The following HDAC9 variants were observed in gnomAD, a reference collection of about 807,000 sequenced individuals.
HDAC9 encodes MEF-2 interacting transcription repressor (MITR) protein.
HDAC9 carries 41 observed loss-of-function variants against 139.4 expected under a neutral mutation model. The observed-to-expected ratio is 0.29, with a 90% confidence interval of 0.23 to 0.38. The LOEUF (loss-of-function observed/expected upper bound fraction) is 0.38. Ranked by LOEUF, HDAC9 falls within the 10% of genes least tolerant of loss-of-function variation. HDAC9 has a pLI of 1.00. For synonymous variants in HDAC9, 517 were observed against 476.2 expected, an observed-to-expected ratio of 1.09 and a Z score of -1.12; for missense variants, 1,147 against 1,297.0, an observed-to-expected ratio of 0.88 and a Z score of 1.78.
At chr7:18,518,922 G>A (rs1319757700) in intron 2 of HDAC9, among the ~76,000 whole-genome samples, 3 of 152,168 alleles carry the variant, frequency 2.0e-5, no homozygotes, top group Non-Finnish European at 4.4e-5. Context: ...AATCAAACGT[G>A]TATGAAGCTG....
intron 17 of HDAC9, among the ~76,000 whole-genome samples, chr7:18,814,325 A>G (rs926011514): frequency 6.6e-6 from 1 of 152,238 alleles, no homozygotes; most frequent in African/African-American, 2.4e-5. Flanking sequence ...AAAATATAGA[A>G]CAAATAAATA....
chr7:18,428,063 C>G (rs1267619703), intron 1 of HDAC9, among the ~76,000 whole-genome samples: 1 of 152,112 alleles, frequency 6.6e-6, no homozygotes, highest in Non-Finnish European at 1.5e-5. Context: ...TATGGCAGGA[C>G]TTCCATTTTT....
intron 1 of HDAC9, among the ~76,000 whole-genome samples, chr7:18,392,477 A>AAAC (rs1786623858): frequency 6.6e-6 from 1 of 152,024 alleles, no homozygotes; most frequent in African/African-American, 2.4e-5. Flanking sequence ...ATGATGTTAA[A>AAAC]ATCCGTTACT....
intron 2 of HDAC9, among the ~76,000 whole-genome samples, chr7:18,507,395 A>G (rs1054014938): frequency 1.9e-4 from 29 of 151,544 alleles, no homozygotes; most frequent in Admixed American, 3.9e-4. Flanking sequence ...GGGTTTCACC[A>G]TGTTAGACAG....
intron 2 of HDAC9, among the ~76,000 whole-genome samples, chr7:18,278,696 A>G (rs1796905848): frequency 6.6e-6 from 1 of 152,276 alleles, no homozygotes; most frequent in South Asian, 2.1e-4. Flanking sequence ...TTTGTTTTAA[A>G]TTGACTAAAA....
intron 12 of HDAC9, among the ~76,000 whole-genome samples, chr7:18,683,494 C>T (rs1388974002): frequency 6.6e-6 from 1 of 151,944 alleles, no homozygotes; most frequent in Admixed American, 6.6e-5. Flanking sequence ...CATCTTGTCC[C>T]TGGTTCTTCT....
At chr7:18,475,430 A>G (rs556932125) in intron 1 of HDAC9, among the ~76,000 whole-genome samples, 2 of 152,176 alleles carry the variant, frequency 1.3e-5, no homozygotes, top group Non-Finnish European at 2.9e-5. Context: ...TTTGGTTACC[A>G]TTTCCCCTGT....
rs13310096 is a variant in HDAC9, at chr7:18,257,390, C to G, written c.25+95041C>G. ...TCTGACTCTCTCTCTCTCTCTCTCT[C>G]TCTGTCTCTCCCACACACACACACA... On this transcript the variant is annotated intron_variant, in intron 2 of 12. Coordinates refer to the HDAC9 transcript ENST00000417496. 1.1e-4 allele frequency among the ~76,000 whole-genome samples: 15 copies of G among 142,432 alleles called. No homozygotes were observed. In the South Asian group the frequency reaches 3.2e-3, roughly 31 times the overall value. The allele number at this position is 142,432 out of a possible 152,430, so 93.4% of individuals were successfully genotyped here. A position where few individuals can be genotyped will look rare whatever the true frequency, so the allele number is the denominator to read the frequency against.
intron 2 of HDAC9, among the ~76,000 whole-genome samples, chr7:18,244,196 G>C (rs1794369292): frequency 6.6e-6 from 1 of 152,006 alleles, no homozygotes; most frequent in African/African-American, 2.4e-5. Context: ...AGGGTGAGGG[G>C]TTGGAGGGGT....
intron 23 of HDAC9, among the ~76,000 whole-genome samples, chr7:18,947,471 T>A (rs1207118225): frequency 6.6e-6 from 1 of 151,894 alleles, no homozygotes; most frequent in Non-Finnish European, 1.5e-5. Flanking sequence ...AAATAAACTT[T>A]ACGTAAACAT....
chr7:18,238,154 C>A (rs1298394400), intron 2 of HDAC9, among the ~76,000 whole-genome samples: 2 of 152,172 alleles, frequency 1.3e-5, no homozygotes, highest in Non-Finnish European at 2.9e-5. Flanking sequence ...AGCTAGTTTA[C>A]TTCCATAATG....
intron 14 of HDAC9, among the ~76,000 whole-genome samples, chr7:18,758,265 C>A (rs1038678098): frequency 6.6e-6 from 1 of 152,128 alleles, no homozygotes; most frequent in Non-Finnish European, 1.5e-5. Flanking sequence ...TCTTAAAAAT[C>A]TTTTTGGGCA....
chr7:18,885,689 C>T (rs1375080888), intron 22 of HDAC9, among the ~76,000 whole-genome samples: 3 of 152,098 alleles, frequency 2.0e-5, no homozygotes, highest in Non-Finnish European at 2.9e-5. Flanking sequence ...TATGTACGCA[C>T]TTTTTAATTA....
At chr7:18,815,907 A>T (rs1794528854) in intron 17 of HDAC9, among the ~76,000 whole-genome samples, 1 of 152,200 alleles carries the variant, frequency 6.6e-6, no homozygotes, top group South Asian at 2.1e-4. Context: ...TCTTTGTGAA[A>T]ATTCCCTCCC....
intron 1 of HDAC9, among the ~76,000 whole-genome samples, chr7:18,328,323 A>C (rs12112080): frequency 0.034 from 4,000 of 118,226 alleles, 167 homozygotes; most frequent in African/African-American, 0.11. Flanking sequence ...TGTAGATCTT[A>C]GCCATGGAGA....
intron 1 of HDAC9, among the ~76,000 whole-genome samples, chr7:18,321,305 C>G (rs1420852132): frequency 6.6e-6 from 1 of 152,190 alleles, no homozygotes; most frequent in Admixed American, 6.5e-5. Context: ...TCCATCCTAT[C>G]CATTCATCAT....
chr7:18,454,678 T>C (rs933465118), intron 1 of HDAC9, among the ~76,000 whole-genome samples: 1 of 152,104 alleles, frequency 6.6e-6, no homozygotes, highest in African/African-American at 2.4e-5. Context: ...CAAGAAACTT[T>C]CTTTAATTCC....
intron 12 of HDAC9, among the ~76,000 whole-genome samples, chr7:18,676,821 G>A (rs1412590974): frequency 6.6e-6 from 1 of 151,752 alleles, no homozygotes; most frequent in Non-Finnish European, 1.5e-5. Context: ...TATGGAAGCA[G>A]ATAATATTTT....
At chr7:18,110,170 C>A (rs777018079) in intron 1 of HDAC9, among the ~76,000 whole-genome samples, 9 of 152,190 alleles carry the variant, frequency 5.9e-5, no homozygotes, top group Non-Finnish European at 5.9e-5. Flanking sequence ...TGCACTTTCT[C>A]TGCAGAACAA....
Sources: gnomAD v4.1 joint callset for allele counts (sites outside exome capture counted in the v4.1 genomes callset) on GRCh38, gnomAD v4.1.1 for gene constraint, MANE v1.5 for transcripts, NCBI Gene and HGNC (gene_info 2026-07-23, HGNC 2026-07-21) for gene names.